The following FUS variants were observed in gnomAD, a reference collection of about 807,000 sequenced individuals.
The protein encoded by FUS is FUS RNA binding protein, also known as RNA-binding protein FUS.
Under a neutral mutation model 82.7 loss-of-function variants are expected in FUS, and 5 were observed. The observed-to-expected ratio is 0.06, with a 90% confidence interval of 0.03 to 0.13. The LOEUF (loss-of-function observed/expected upper bound fraction) is 0.13. Among genes scored for constraint, FUS ranks in the 10% least tolerant of loss-of-function variants. The pLI is 1.00. For synonymous variants in FUS, 281 were observed against 247.4 expected (o/e 1.14, Z -1.27); for missense variants, 512 against 707.8 (o/e 0.72, Z 3.14).
intron 3 of FUS, 90 bp downstream of exon 3, chr16:31,182,754 T>C (rs1463365270): frequency 6.5e-7 from 1 of 1,537,790 alleles, no homozygotes; most frequent in Non-Finnish European, 9.0e-7. Context: ...TCTGGTCCTG[T>C]TGCCCAGGCT....
intron 6 of FUS, 98 bp from the exon 7 acceptor site, chr16:31,186,704 C>T (rs141223749): frequency 1.7e-6 from 2 of 1,169,848 alleles, no homozygotes; most frequent in African/African-American, 3.0e-5. Flanking sequence ...TTTCCAAAAA[C>T]ACCTACCCAT....
At chr16:31,192,251 A>T, downstream of FUS, 1 of 526,094 alleles carries the variant, frequency 1.9e-6, no homozygotes, top group South Asian at 1.5e-5. Context: ...TCCCTTTTTG[A>T]TTGGAGGGTG....
At chr16:31,180,625 G>T (rs971258472) in intron 1 of FUS, among the ~76,000 whole-genome samples, 4 of 152,198 alleles carry the variant, frequency 2.6e-5, no homozygotes, top group African/African-American at 7.2e-5. Context: ...CGCTCTGCGG[G>T]CCCCTCCCCC....
rs574645154 is a variant in FUS at position 31,180,144 on chromosome 16, G to C, written c.-71G>C. The C allele has an allele frequency of 6.9e-6, 11 of 1,583,920 alleles. No homozygotes were observed. The highest frequency in any genetic ancestry group is 4.6e-5 in the South Asian group (4 of 87,572). On this transcript the variant is annotated 5_prime_UTR_variant, in exon 1 of 15. Transcript: ENST00000254108. ...TCGACGCAGGAGGCGGGGCTGCTCA[G>C]TCCTCCAGGCGTCGGTACTCAGCGG...
In FUS at chr16:31,184,285, G is replaced by A. The variant is rs1489391384; in HGVS notation, c.412G>A (p.Gly138Arg). The A allele has an allele frequency of 1.2e-6, 2 of 1,613,794 alleles. No individual in the cohort carries two copies. The highest frequency in any genetic ancestry group is 1.3e-5 in the African/African-American group (1 of 74,876). The change falls in exon 5 of 15, where the codon GGA (glycine) becomes AGA (arginine). Residue 138 changes from glycine (G) to arginine (R), a missense_variant. Physicochemically the swap from Gly to Arg is moderately radical, Grantham distance 125. This residue lies in a region of FUS where 276 missense variants were observed against 303.3 expected (regional missense o/e 0.91). Transcript: ENST00000254108. ...GSYSQQPSYGGQQQSYGQQQS... is the reference protein window; with the variant it reads ...GSYSQQPSYGRQQQSYGQQQS... ...CTACAGCCAGCAGCCTAGCTATGGT[G>A]GACAGCAGCAAAGCTATGGACAGCA...
downstream of FUS, chr16:31,192,777 G>T: frequency 2.1e-6 from 1 of 480,170 alleles, no homozygotes; most frequent in Non-Finnish European, 4.1e-6. Context: ...CACTGTGTTG[G>T]CCAGGCTGGT....
chr16:31,181,426 A>G (rs569981459), intron 1 of FUS, among the ~76,000 whole-genome samples: 103 of 152,206 alleles, frequency 6.8e-4, no homozygotes, highest in African/African-American at 2.4e-3. Context: ...TAGGTGAGAA[A>G]ACGGAACCAT....
intron 7 of FUS, chr16:31,187,191 T>G: frequency 2.5e-6 from 1 of 403,064 alleles, no homozygotes; most frequent in Non-Finnish European, 4.6e-6. Context: ...TTTAGGATCC[T>G]TTTGATCGTT....
At chr16:31,185,982 T>TA (rs1451692024) in intron 6 of FUS, 7 of 237,122 alleles carry the variant, frequency 3.0e-5, no homozygotes, top group Non-Finnish European at 5.0e-5. Flanking sequence ...ATGTCAGTGT[T>TA]ACTGTTTTTG....
intron 12 of FUS, 81 bp from the exon 13 acceptor site, chr16:31,190,661 A>G (rs987807719): frequency 2.6e-5 from 35 of 1,368,496 alleles, no homozygotes; most frequent in Non-Finnish European, 3.4e-5. Context: ...CTGTATCTCT[A>G]AAGTCACCGT....
In FUS at chr16:31,190,310, A is replaced by AGTGGTG; in HGVS notation, c.1212_1217dup (p.Gly405_Gly406dup). The AGTGGTG allele has an allele frequency of 2.5e-6, 4 of 1,613,768 alleles. No homozygotes were observed. The highest frequency in any genetic ancestry group is 3.4e-6 in the Non-Finnish European group (4 of 1,179,754). ...CCGTGGAGGCTATGGAGGTGGTGGC[A>AGTGGTG]GTGGTGGTGGTGGCCGAGGAGGATT... On this transcript the variant is annotated inframe_insertion, in exon 12 of 15. Transcript: ENST00000254108.
In FUS at chr16:31,182,587, A is replaced by C; in HGVS notation, c.113A>C (p.Tyr38Ser). 1 of 1,614,194 alleles carries C rather than the reference A, an allele frequency of 6.2e-7. No individual in the cohort carries two copies. The highest frequency in any genetic ancestry group is 8.5e-7 in the Non-Finnish European group (1 of 1,180,014). Residue 38 changes from tyrosine to serine, a missense_variant, in exon 3 of 15, where the codon TAC (tyrosine) becomes TCC (serine). Tyr to Ser is a moderately radical substitution (Grantham distance 144, BLOSUM62 -2). Coordinates refer to ENST00000254108, the MANE Select transcript of FUS (RefSeq NM_004960.4). ...QSSQPYGQQS[Y>S]SGYSQSTDTS... ...AGTCAGCCCTACGGACAGCAGAGTTACAGTGGTTATAGCCAGTCCACGGAC... is the reference window on the plus strand; with the variant it reads ...AGTCAGCCCTACGGACAGCAGAGTTCCAGTGGTTATAGCCAGTCCACGGAC...
downstream of FUS, chr16:31,194,434 C>T (rs1443102336): frequency 1.6e-5 from 8 of 507,338 alleles, no homozygotes; most frequent in Middle Eastern, 1.7e-3. Context: ...GACGGGACTA[C>T]AGGCACCTGC....
At chr16:31,189,332 C>G in intron 9 of FUS, 106 bp downstream of exon 9, 1 of 928,990 alleles carries the variant, frequency 1.1e-6, no homozygotes, top group Non-Finnish European at 1.8e-6. Flanking sequence ...AAAAACAAGT[C>G]TTAGTGGTTG....
At chr16:31,190,671 T>C in intron 12 of FUS, 71 bp from the exon 13 acceptor site, 1 of 1,407,956 alleles carries the variant, frequency 7.1e-7, no homozygotes, top group Non-Finnish European at 1.0e-6. Flanking sequence ...AAAGTCACCG[T>C]AGTTTCTTCC....
downstream of FUS, chr16:31,191,786 G>T: frequency 1.7e-6 from 1 of 588,278 alleles, no homozygotes; most frequent in Non-Finnish European, 3.2e-6. Context: ...GAAAGTTGGT[G>T]TATAAATGAG....
chr16:31,182,359 GGC>G, intron 1 of FUS, 37 bp from the exon 2 acceptor site: 1 of 1,611,440 alleles, frequency 6.2e-7, no homozygotes. Context: ...CTTTCAGAGT[GGC>G]AGCTGAAGAT....
downstream of FUS, chr16:31,193,130 C>T (rs187382003): frequency 2.1e-4 from 100 of 484,098 alleles, no homozygotes; most frequent in South Asian, 1.1e-3. Context: ...TTAGTAGAGA[C>T]GGGGTTTCTC....
In FUS at chr16:31,191,483, C is replaced by T; in HGVS notation, c.*45C>T. 6.3e-7 allele frequency: 1 copy of T among 1,595,916 alleles called. No homozygotes were observed. Among genetic ancestry groups the T allele is most frequent in the Non-Finnish European group, 8.6e-7 (1 of 1,163,820 alleles). On this transcript the variant is annotated 3_prime_UTR_variant, in exon 15 of 15. Coordinates refer to ENST00000254108, the MANE Select transcript of FUS (RefSeq NM_004960.4). ...TCTGGAACAGCTTTTTGTCCTGTAC[C>T]CAGTGTTACCCTCGTTATTTTGTAA...
Sources: gnomAD v4.1 joint callset for allele counts (sites outside exome capture counted in the v4.1 genomes callset) on GRCh38, gnomAD v4.1.1 for gene constraint, gnomAD v4.1.1 regional missense constraint, MANE v1.5 for transcripts, NCBI Gene and HGNC (gene_info 2026-07-23, HGNC 2026-07-21) for gene names.